The following SMARCA2 variants were observed in gnomAD, a reference collection of about 807,000 sequenced individuals.
SMARCA2 encodes the protein SWI/SNF-related matrix-associated actin-dependent regulator of chromatin subfamily A member 2.
A neutral mutation model predicts 199.8 loss-of-function variants in SMARCA2; 61 were observed. The ratio of observed to expected loss-of-function variants is 0.31; its 90% CI spans 0.25 to 0.38. The LOEUF (loss-of-function observed/expected upper bound fraction) is 0.38, where lower values mean the gene tolerates loss of function less well. Ranked by LOEUF, SMARCA2 falls within the 10% of genes least tolerant of loss-of-function variation. SMARCA2 has a pLI of 1.00. For synonymous variants in SMARCA2, 935 were observed against 732.0 expected (o/e 1.28, Z -4.48); for missense variants, 1,344 against 2,012.2 (o/e 0.67, Z 6.35).
rs979018052 is a variant in SMARCA2 at position 2,170,944 on chromosome 9, G to A, written c.4253+472G>A. ...TGTCTGCATTCCAGAGTTGATCATG[G>A]CATGCAGAGGGCAATTGCTGAGTTG... On this transcript the variant is annotated intron_variant, in intron 29 of 33. Transcript: ENST00000349721. This position sits in a 1 kb window ranked among gnomAD's most constrained non-coding sequence, Gnocchi z 4.7. Among the ~76,000 whole-genome samples, 1 of 152,224 alleles carries A rather than the reference G, an allele frequency of 6.6e-6. No homozygotes were observed. Among genetic ancestry groups the A allele is most frequent in the Non-Finnish European group, 1.5e-5 (1 of 68,044 alleles).
chr9:2,039,992 G>T lies in SMARCA2; in HGVS notation c.790+92G>T, dbSNP rs144581526. ...AAACACCGGGTTGTTAAAAGCCCGG[G>T]GCTGACGTAGCCTTTTGTTATACCT... On this transcript the variant is annotated intron_variant, in intron 4 of 33. Coordinates refer to ENST00000349721, the MANE Select transcript of SMARCA2 (RefSeq NM_003070.5). The surrounding 1 kb of genome is among the most constrained non-coding windows in gnomAD (Gnocchi z 4.8). 1 of 1,555,992 alleles carries T rather than the reference G, an allele frequency of 6.4e-7. No homozygotes were observed. The highest frequency in any genetic ancestry group is 8.7e-7 in the Non-Finnish European group (1 of 1,154,860).
chr9:2,056,361 A>G lies in SMARCA2; in HGVS notation c.1174-311A>G, dbSNP rs1820354043. 6.6e-6 allele frequency among the ~76,000 whole-genome samples: 1 copy of G among 152,258 alleles called. No homozygotes were observed. The highest frequency in any genetic ancestry group is 1.5e-5 in the Non-Finnish European group (1 of 68,040). The stretch of plus-strand genomic sequence containing the variant: ...AAAGCTTATTTAGCTAATTGGTATC[A>G]TTAGAATAATTAGAGAAAATGAAGT... On this transcript the variant is annotated intron_variant, in intron 6 of 33. Coordinates refer to ENST00000349721, the MANE Select transcript of SMARCA2 (RefSeq NM_003070.5). This position sits in a 1 kb window ranked among gnomAD's most constrained non-coding sequence, Gnocchi z 4.0.
chr9:2,039,726 G>T lies in SMARCA2; in HGVS notation c.616G>T (p.Val206Phe). The T allele has an allele frequency of 6.2e-7, 1 of 1,613,982 alleles. No individual in the cohort carries two copies. The highest frequency in any genetic ancestry group is 1.3e-5 in the African/African-American group (1 of 75,030). ...CCTCCCCGAAACGCTGCAGCTTGCA[G>T]TCCAGGGGAAAAGGACGTTGCCTGG... ...QPLPETLQLA[V>F]QGKRTLPGLQ... Residue 206 changes from valine to phenylalanine, a missense_variant, in exon 4 of 34, where the codon GTC becomes TTC. Val to Phe is a conservative substitution (Grantham distance 50, BLOSUM62 -1). Coordinates refer to ENST00000349721, the MANE Select transcript of SMARCA2 (RefSeq NM_003070.5). This position sits in a 1 kb window ranked among gnomAD's most constrained non-coding sequence, Gnocchi z 4.8.
intron 9 of SMARCA2, among the ~76,000 whole-genome samples, chr9:2,068,096 C>T (rs1044920664): frequency 1.3e-5 from 2 of 152,118 alleles, no homozygotes; most frequent in African/African-American, 2.4e-5. Context: ...TGACTTTCCC[C>T]CATTAATTAA....
intron 1 of SMARCA2, among the ~76,000 whole-genome samples, chr9:2,025,148 G>C (rs1818771952): frequency 6.6e-6 from 1 of 152,158 alleles, no homozygotes; most frequent in Admixed American, 6.5e-5. Flanking sequence ...CTCCTCTGGG[G>C]CCTCTTCTTT....
chr9:2,035,366 G>A (rs926601313), intron 3 of SMARCA2, among the ~76,000 whole-genome samples: 23 of 152,050 alleles, frequency 1.5e-4, no homozygotes, highest in African/African-American at 5.3e-4. Flanking sequence ...TTTAATACCT[G>A]GGAGGTATAG....
At chr9:2,019,714 T>C (rs1195695484) in intron 1 of SMARCA2, among the ~76,000 whole-genome samples, 1 of 152,156 alleles carries the variant, frequency 6.6e-6, no homozygotes, top group Non-Finnish European at 1.5e-5. Flanking sequence ...GCTCCTTATA[T>C]TGTTGTAATA....
chr9:2,160,324 A>G (rs1174170543), intron 27 of SMARCA2: 1 of 437,036 alleles, frequency 2.3e-6, no homozygotes, highest in Non-Finnish European at 4.1e-6. Flanking sequence ...TTTGATTATT[A>G]AGGCCTAGGC....
At chr9:2,018,515 G>T (rs1029292165) in intron 1 of SMARCA2, among the ~76,000 whole-genome samples, 1 of 152,258 alleles carries the variant, frequency 6.6e-6, no homozygotes, top group Non-Finnish European at 1.5e-5. Context: ...GCTCAAGGAA[G>T]ACATTAAGGA....
intron 1 of SMARCA2, among the ~76,000 whole-genome samples, chr9:2,028,080 C>G (rs1390629486): frequency 6.6e-6 from 1 of 152,128 alleles, no homozygotes; most frequent in Non-Finnish European, 1.5e-5. Context: ...ATTGTAGAAC[C>G]AGAATTTCCA....
rs77371949 is a variant in SMARCA2 at position 2,081,590 on chromosome 9, C to T, written c.2185-242C>T. Reference sequence around the variant, plus strand: ...CTGTGAAATACTAAGTGTGGATGAGCGGCAAAGCTGCTTTAAAACTCACCT... The same window carrying T: ...CTGTGAAATACTAAGTGTGGATGAGTGGCAAAGCTGCTTTAAAACTCACCT... On this transcript the variant is annotated intron_variant, in intron 14 of 33. Transcript: ENST00000349721. Among the ~76,000 whole-genome samples the T allele has an allele frequency of 1.6e-3, 236 of 152,200 alleles. 1 individual carries two copies. Among genetic ancestry groups the T allele is most frequent in the African/African-American group, 5.3e-3 (219 of 41,510 alleles).
chr9:2,136,816 A>G (rs190792334), intron 27 of SMARCA2, among the ~76,000 whole-genome samples: 27 of 152,308 alleles, frequency 1.8e-4, no homozygotes, highest in African/African-American at 6.5e-4. Context: ...AGATGCTCTG[A>G]CTTTTAGGGG....
chr9:2,189,330 G>A (rs190622452), intron 32 of SMARCA2, among the ~76,000 whole-genome samples: 1 of 152,174 alleles, frequency 6.6e-6, no homozygotes, highest in African/African-American at 2.4e-5. Flanking sequence ...TGTCAGGTGG[G>A]TTTTTTGGAG....
chr9:2,177,452 G>A (rs369213519), intron 29 of SMARCA2, among the ~76,000 whole-genome samples: 3 of 151,758 alleles, frequency 2.0e-5, no homozygotes, highest in Admixed American at 6.6e-5. Flanking sequence ...AGCTTGAGCA[G>A]GTAAAAAAGA....
intron 29 of SMARCA2, among the ~76,000 whole-genome samples, chr9:2,171,671 C>T (rs1045906948): frequency 6.6e-6 from 1 of 152,192 alleles, no homozygotes; most frequent in African/African-American, 2.4e-5. Context: ...GAGATTGAAA[C>T]AACGAATAGT....
At chr9:2,189,442 C>T (rs958316772) in intron 32 of SMARCA2, among the ~76,000 whole-genome samples, 2 of 152,100 alleles carry the variant, frequency 1.3e-5, no homozygotes, top group African/African-American at 2.4e-5. Flanking sequence ...CCCCTATTGC[C>T]TGTCTTCTGC....
At chr9:2,159,032 C>A in intron 27 of SMARCA2, 1 of 1,599,400 alleles carries the variant, frequency 6.3e-7, no homozygotes, top group Non-Finnish European at 8.5e-7. Context: ...TAATAAGAAT[C>A]TGCACGTATT....
chr9:2,056,260 T>C lies in SMARCA2; in HGVS notation c.1174-412T>C, dbSNP rs1325672819. ...GAAAGTAATTCTTTTATTCTTTTTT[T>C]GGAGCATCATTAAAATTAATCTTTA... On this transcript the variant is annotated intron_variant, in intron 6 of 33. Transcript: ENST00000349721. This position sits in a 1 kb window ranked among gnomAD's most constrained non-coding sequence, Gnocchi z 4.0. Among the ~76,000 whole-genome samples the C allele has an allele frequency of 6.6e-6, 1 of 152,246 alleles. No homozygotes were observed. The highest frequency in any genetic ancestry group is 2.4e-5 in the African/African-American group (1 of 41,464).
rs1332548393 is a variant in SMARCA2, at chr9:2,161,947, G to A, written c.4199+44G>A. On this transcript the variant is annotated intron_variant, in intron 28 of 33. Coordinates refer to ENST00000349721, the MANE Select transcript of SMARCA2 (RefSeq NM_003070.5). The surrounding 1 kb of genome is among the most constrained non-coding windows in gnomAD (Gnocchi z 4.7). The stretch of plus-strand genomic sequence containing the variant: ...CACCTTGATCATCTCTCACCAAGAC[G>A]CCGAGTGGCGCTCCCTGAGGAGCAG... 2.0e-6 allele frequency: 3 copies of A among 1,503,904 alleles called. No homozygotes were observed. The highest frequency in any genetic ancestry group is 2.8e-6 in the Non-Finnish European group (3 of 1,085,712). The allele number at this position is 1,503,904 out of a possible 1,614,324, so 93.2% of individuals were successfully genotyped here. A position where few individuals can be genotyped will look rare whatever the true frequency, so the allele number is the denominator to read the frequency against.
Sources: allele counts gnomAD v4.1 joint callset (sites outside exome capture counted in the v4.1 genomes callset), GRCh38; gene constraint gnomAD v4.1.1; non-coding constraint Gnocchi (gnomAD v3.1); transcripts MANE v1.5; gene names NCBI Gene and HGNC (gene_info 2026-07-23, HGNC 2026-07-21).